HOMER1: variants seen among roughly 807,000 people sequenced by gnomAD.
HOMER1 encodes homer protein homolog 1.
A neutral mutation model predicts 48.9 loss-of-function variants in HOMER1; 3 were observed. The observed-to-expected ratio is 0.06, with a 90% confidence interval of 0.03 to 0.16. HOMER1 has a LOEUF of 0.16. Among genes scored for constraint, HOMER1 ranks in the 10% least tolerant of loss-of-function variants. The pLI is 1.00. For missense variants in HOMER1, 247 were observed against 411.4 expected, an observed-to-expected ratio of 0.60 and a Z score of 3.46; for synonymous variants, 134 against 146.4, an observed-to-expected ratio of 0.92 and a Z score of 0.61.
chr5:79,402,158 GTTTTC>G lies in HOMER1; in HGVS notation c.528-108_528-104del, dbSNP rs1299583131. 2.9e-4 allele frequency: 258 copies of G among 875,362 alleles called. No individual in the cohort carries two copies. The African/African-American group carries it at 4.2e-3, about 14-fold the overall frequency. The allele number at this position is 875,362 out of a possible 1,614,324, so 54.2% of individuals were successfully genotyped here. On this transcript the variant is annotated intron_variant, in intron 5 of 8. Coordinates refer to ENST00000334082, the MANE Select transcript of HOMER1 (RefSeq NM_004272.5). ...ATTGTAGGGTTTATAGTCTAAGAATGTTTTCTTTTCTTTTTTTTTTTTTTTGAGAT... is the reference window on the plus strand; with the variant it reads ...ATTGTAGGGTTTATAGTCTAAGAATGTTTTCTTTTTTTTTTTTTTTGAGAT...
intron 1 of HOMER1, among the ~76,000 whole-genome samples, chr5:79,484,966 C>T (rs771258709): frequency 1.3e-5 from 2 of 152,188 alleles, no homozygotes; most frequent in Non-Finnish European, 2.9e-5. Flanking sequence ...AACAGCTGTT[C>T]TCTTTGCTAT....
chr5:79,461,140 T>C (rs934884330), intron 1 of HOMER1, among the ~76,000 whole-genome samples: 1 of 152,198 alleles, frequency 6.6e-6, no homozygotes, highest in Non-Finnish European at 1.5e-5. Context: ...ATACTAAGCA[T>C]GTCCGTAATT....
chr5:79,405,084 C>T (rs765140597), intron 5 of HOMER1, among the ~76,000 whole-genome samples: 11 of 152,000 alleles, frequency 7.2e-5, no homozygotes, highest in Non-Finnish European at 1.6e-4. Flanking sequence ...TTCTAACTCC[C>T]AGGATCTCAC....
chr5:79,384,515 C>T (rs1318791398), intron 8 of HOMER1, among the ~76,000 whole-genome samples: 1 of 151,994 alleles, frequency 6.6e-6, no homozygotes, highest in Non-Finnish European at 1.5e-5. Context: ...AAGAAGTCTC[C>T]CAACAAAGAA....
At chr5:79,449,568 G>T (rs1750977063) in intron 3 of HOMER1, among the ~76,000 whole-genome samples, 1 of 152,168 alleles carries the variant, frequency 6.6e-6, no homozygotes, top group African/African-American at 2.4e-5. Context: ...TGCCTCCTGG[G>T]TTCAAATGAC....
intron 8 of HOMER1, among the ~76,000 whole-genome samples, chr5:79,393,240 A>G (rs1749298778): frequency 6.6e-6 from 1 of 152,190 alleles, no homozygotes; most frequent in Non-Finnish European, 1.5e-5. Flanking sequence ...CATTTCAGCT[A>G]GTGATAAGTA....
intron 1 of HOMER1, among the ~76,000 whole-genome samples, chr5:79,512,527 C>T (rs531513549): frequency 2.2e-4 from 33 of 152,182 alleles, no homozygotes; most frequent in Non-Finnish European, 4.4e-4. Flanking sequence ...TCTTTGTAAA[C>T]ATTACTCACA....
chr5:79,450,896 C>G (rs949872071), intron 3 of HOMER1, 94 bp downstream of exon 3: 93 of 1,182,008 alleles, frequency 7.9e-5, no homozygotes, highest in Non-Finnish European at 1.1e-4. Context: ...AAATAAATTT[C>G]TCCTATATTT....
Position 79,397,611 on chromosome 5 carries a change from G to T in HOMER1, c.711C>A (p.Ser237Arg). ...TATGAGTATGTACTGCATTTGCTTG[G>T]CTACTAACACATTCAAGTTCAGTCA... is the stretch of plus-strand genomic sequence containing the variant. ...KRVTELECVS[S>R]QANAVHTHKT... The change falls in exon 7 of 9, where the codon AGC becomes AGA. Residue 237 changes from serine (S) to arginine (R), a missense_variant. Coordinates refer to ENST00000334082, the MANE Select transcript of HOMER1 (RefSeq NM_004272.5). The T allele has an allele frequency of 1.9e-6, 3 of 1,606,578 alleles. No individual in the cohort carries two copies. The highest frequency in any genetic ancestry group is 1.3e-5 in the African/African-American group (1 of 74,716).
At chr5:79,507,242 CAAAAA>C (rs1210885766) in intron 1 of HOMER1, among the ~76,000 whole-genome samples, 21 of 104,444 alleles carry the variant, frequency 2.0e-4, no homozygotes, top group African/African-American at 7.4e-4. Context: ...AAAACCAAAA[CAAAAA>C]AAAAACAGTT....
At chr5:79,467,585 A>G (rs1216839359) in intron 1 of HOMER1, among the ~76,000 whole-genome samples, 1 of 152,174 alleles carries the variant, frequency 6.6e-6, no homozygotes, top group East Asian at 1.9e-4. Flanking sequence ...TTGAAGAGAA[A>G]GATTCAGAGA....
At chr5:79,402,795 TA>T (rs1283233382) in intron 5 of HOMER1, among the ~76,000 whole-genome samples, 2 of 152,218 alleles carry the variant, frequency 1.3e-5, no homozygotes, top group East Asian at 3.8e-4. Flanking sequence ...TTAAATGTCA[TA>T]AGGTTTGGGA....
At position 79,424,171 on chromosome 5, in the gene HOMER1, A is replaced by G. The variant is rs1414574835; in HGVS notation, c.527+14839T>C. On this transcript the variant is annotated intron_variant, in intron 5 of 8. Coordinates refer to ENST00000334082, the MANE Select transcript of HOMER1 (RefSeq NM_004272.5). Reference sequence around the variant, plus strand: ...CTAAAGTACGTTTTCACCAACTTTAATATTTGCTTTCTATAATAGAAGAGC... The same window carrying G: ...CTAAAGTACGTTTTCACCAACTTTAGTATTTGCTTTCTATAATAGAAGAGC... Among the ~76,000 whole-genome samples, 16 of 152,204 alleles carry G rather than the reference A, an allele frequency of 1.1e-4. No individual in the cohort carries two copies. The South Asian group carries it at 1.5e-3, about 14-fold the overall frequency.
At chr5:79,463,578 T>G (rs572670890) in intron 1 of HOMER1, among the ~76,000 whole-genome samples, 1 of 152,238 alleles carries the variant, frequency 6.6e-6, no homozygotes, top group Non-Finnish European at 1.5e-5. Flanking sequence ...ACAGTTGTCA[T>G]TTAAAAAACT....
At chr5:79,487,106 C>T (rs1752126726) in intron 1 of HOMER1, among the ~76,000 whole-genome samples, 1 of 152,122 alleles carries the variant, frequency 6.6e-6, no homozygotes, top group African/African-American at 2.4e-5. Context: ...TGACGAAACC[C>T]CGTCTCTACT....
intron 8 of HOMER1, among the ~76,000 whole-genome samples, chr5:79,395,229 C>T (rs1053931786): frequency 2.6e-5 from 4 of 152,094 alleles, no homozygotes; most frequent in African/African-American, 4.8e-5. Context: ...CGCAAGTACC[C>T]GAAACCCAAA....
chr5:79,380,585 A>G (rs1393265255), intron 8 of HOMER1, among the ~76,000 whole-genome samples: 1 of 152,176 alleles, frequency 6.6e-6, no homozygotes, highest in African/African-American at 2.4e-5. Flanking sequence ...GCAGCAGAAC[A>G]ACAATGTGAG....
Position 79,488,286 on chromosome 5 carries a change from G to T in HOMER1, c.5+24484C>A, listed in dbSNP as rs367876376. On this transcript the variant is annotated intron_variant, in intron 1 of 8. Transcript: ENST00000334082. ...CTTTAGCACTCTCTAGAAGAGAAGG[G>T]GTCCTGACGCAGCTAAGTGGTAGGT... is the stretch of plus-strand genomic sequence containing the variant. Among the ~76,000 whole-genome samples the T allele has an allele frequency of 1.5e-4, 23 of 152,310 alleles. 1 individual carries two copies. Among genetic ancestry groups the T allele is most frequent in the Admixed American group, 7.2e-4 (11 of 15,304 alleles).
At position 79,375,855 on chromosome 5, in the gene HOMER1, T is replaced by C. The variant is rs1320578562; in HGVS notation, c.*154A>G. ...CTGGATTCTAAAATTTACAGTGAAA[T>C]ATACAATTCCAATTTCAAAAGATCC... On this transcript the variant is annotated 3_prime_UTR_variant, in exon 9 of 9. Coordinates refer to ENST00000334082, the MANE Select transcript of HOMER1 (RefSeq NM_004272.5). 2 of 451,648 alleles carry C rather than the reference T, an allele frequency of 4.4e-6. No homozygotes were observed. Among genetic ancestry groups the C allele is most frequent in the Non-Finnish European group, 7.6e-6 (2 of 264,608 alleles). 28.0% of individuals were successfully genotyped at this position (451,648 alleles called of 1,614,324 possible).
Sources: gnomAD v4.1 joint callset for allele counts (sites outside exome capture counted in the v4.1 genomes callset) on GRCh38, gnomAD v4.1.1 for gene constraint, MANE v1.5 for transcripts, NCBI Gene and HGNC (gene_info 2026-07-23, HGNC 2026-07-21) for gene names.